Variants in KMT5B observed in about 807,000 individuals in gnomAD.
The protein encoded by KMT5B is lysine methyltransferase 5B, also known as histone-lysine N-methyltransferase KMT5B.
KMT5B carries 10 observed loss-of-function variants against 83.2 expected under a neutral mutation model. That is an observed-to-expected ratio of 0.12 (90% CI 0.07 to 0.20). The LOEUF (loss-of-function observed/expected upper bound fraction) is 0.20, where lower values mean the gene tolerates loss of function less well. KMT5B is among the 10% of genes least tolerant of loss of function. The pLI is 1.00. For missense variants in KMT5B, 753 were observed against 1,067.2 expected (o/e 0.71, Z 4.10); for synonymous variants, 349 against 388.8 (o/e 0.90, Z 1.20).
chr11:68,160,048 A>T (rs1854717614), intron 10 of KMT5B, among the ~76,000 whole-genome samples: 2 of 152,260 alleles, frequency 1.3e-5, no homozygotes. Context: ...TTTGAGAATG[A>T]GCGTATTCTT....
chr11:68,164,858 T>C (rs1043481706), intron 10 of KMT5B, among the ~76,000 whole-genome samples: 1 of 152,260 alleles, frequency 6.6e-6, no homozygotes, highest in Non-Finnish European at 1.5e-5. Flanking sequence ...ATCCTGGAGC[T>C]AAGTAAGGCA....
intron 1 of KMT5B, among the ~76,000 whole-genome samples, chr11:68,198,937 G>T (rs1411614466): frequency 6.6e-6 from 1 of 152,214 alleles, no homozygotes; most frequent in East Asian, 1.9e-4. Context: ...CACCGTGTTA[G>T]CCAGGCTGGT....
In KMT5B at chr11:68,202,791, C is replaced by T. The variant is rs146742653; in HGVS notation, c.-77+10347G>A. On this transcript the variant is annotated intron_variant, in intron 1 of 10. Transcript: ENST00000304363. ...CTTGAACTCTTGACCTCGTGATTTGCCCACCTCGGCCTCCCAAAGTACTGG... is the reference window on the plus strand; with the variant it reads ...CTTGAACTCTTGACCTCGTGATTTGTCCACCTCGGCCTCCCAAAGTACTGG... Among the ~76,000 whole-genome samples the T allele has an allele frequency of 3.3e-3, 505 of 152,150 alleles. 3 individuals carry two copies. Among genetic ancestry groups the T allele is most frequent in the East Asian group, 0.024 (122 of 5,164 alleles).
At chr11:68,199,933 G>A (rs904183973) in intron 1 of KMT5B, among the ~76,000 whole-genome samples, 3 of 152,220 alleles carry the variant, frequency 2.0e-5, no homozygotes, top group Non-Finnish European at 4.4e-5. Flanking sequence ...ATGTGACAAA[G>A]ACTATAGGAA....
chr11:68,213,537 C>G (rs1158450088), upstream of KMT5B: 1 of 151,832 alleles, frequency 6.6e-6, no homozygotes, highest in East Asian at 1.9e-4. Flanking sequence ...CTCCGCGTCC[C>G]AGGTCCGTGC....
chr11:68,160,687 A>G (rs1854780158), intron 10 of KMT5B, among the ~76,000 whole-genome samples: 1 of 152,196 alleles, frequency 6.6e-6, no homozygotes, highest in Non-Finnish European at 1.5e-5. Flanking sequence ...GCATCACAAC[A>G]TTCCAAAAAT....
intron 2 of KMT5B, among the ~76,000 whole-genome samples, chr11:68,186,746 G>C (rs1323154834): frequency 6.6e-6 from 1 of 152,196 alleles, no homozygotes; most frequent in Non-Finnish European, 1.5e-5. Flanking sequence ...ATCATTTATG[G>C]AGGACAACAG....
intron 1 of KMT5B, among the ~76,000 whole-genome samples, chr11:68,195,526 G>A (rs1030569863): frequency 2.0e-5 from 3 of 152,208 alleles, no homozygotes; most frequent in African/African-American, 7.2e-5. Context: ...GAAGGTAGGT[G>A]ATTTAAGCAC....
At chr11:68,212,690 G>A (rs963274700) in intron 1 of KMT5B, 30 of 152,204 alleles carry the variant, frequency 2.0e-4, no homozygotes, top group African/African-American at 6.3e-4. Flanking sequence ...TCGGGGAGGA[G>A]GGTGGGCTGC....
At position 68,213,264 on chromosome 11, in the gene KMT5B, T is replaced by C. The variant is rs1261301921; in HGVS notation, c.-203A>G. The C allele has an allele frequency of 1.4e-5, 2 of 145,462 alleles. No homozygotes were observed. The highest frequency in any genetic ancestry group is 6.8e-5 in the Admixed American group (1 of 14,696). 9.0% of individuals were successfully genotyped at this position (145,462 alleles called of 1,614,324 possible). A position where few individuals can be genotyped will look rare whatever the true frequency, so the allele number is the denominator to read the frequency against. On this transcript the variant is annotated 5_prime_UTR_variant, in exon 1 of 11. Coordinates refer to ENST00000304363, the MANE Select transcript of KMT5B (RefSeq NM_017635.5). ...CCAGAAAATTAATCACCAAAAATAA[T>C]TCCAGAGAAAAATGGAGAGTAAAAT...
At position 68,211,235 on chromosome 11, in the gene KMT5B, C is replaced by T. The variant is rs149597951; in HGVS notation, c.-77+1903G>A. ...CACACGCGTCTCTCCCTGTCAGAGTCCGCTACCCTCCATCCACCTCCACCT... is the reference window on the plus strand; with the variant it reads ...CACACGCGTCTCTCCCTGTCAGAGTTCGCTACCCTCCATCCACCTCCACCT... On this transcript the variant is annotated intron_variant, in intron 1 of 10. Transcript: ENST00000304363. Among the ~76,000 whole-genome samples the T allele has an allele frequency of 3.8e-4, 58 of 152,300 alleles. 2 individuals carry two copies. The highest frequency in any genetic ancestry group is 1.3e-3 in the African/African-American group (54 of 41,544).
At chr11:68,194,244 G>GCA (rs1490682576) in intron 1 of KMT5B, among the ~76,000 whole-genome samples, 1 of 147,766 alleles carries the variant, frequency 6.8e-6, no homozygotes, top group African/African-American at 2.5e-5. Context: ...AGGCTGGAGT[G>GCA]CAGTGTCCAC....
At chr11:68,193,376 C>T (rs1316062744) in intron 1 of KMT5B, among the ~76,000 whole-genome samples, 1 of 152,118 alleles carries the variant, frequency 6.6e-6, no homozygotes, top group Non-Finnish European at 1.5e-5. Context: ...CTGGACATAC[C>T]TTTAATGATA....
At chr11:68,188,969 T>G (rs539731687) in intron 2 of KMT5B, among the ~76,000 whole-genome samples, 1 of 152,340 alleles carries the variant, frequency 6.6e-6, no homozygotes, top group South Asian at 2.1e-4. Flanking sequence ...GAATTCTGTC[T>G]GGTTTTCTAT....
Position 68,156,767 on chromosome 11 carries a change from T to C in KMT5B, c.*921A>G, listed in dbSNP as rs1859323629. ...ACTCATGTTTTTATTTCATAAACTA[T>C]TATAAGTTAAAGTGAATAGATTTTT... On this transcript the variant is annotated 3_prime_UTR_variant, in exon 11 of 11. Coordinates refer to ENST00000304363, the MANE Select transcript of KMT5B (RefSeq NM_017635.5). The C allele has an allele frequency of 6.6e-6, 1 of 152,642 alleles. No homozygotes were observed. Among genetic ancestry groups the C allele is most frequent in the Non-Finnish European group, 1.5e-5 (1 of 68,038 alleles). 9.5% of individuals were successfully genotyped at this position (152,642 alleles called of 1,614,324 possible). A position where few individuals can be genotyped will look rare whatever the true frequency, so the allele number is the denominator to read the frequency against.
In KMT5B at chr11:68,171,525, C is replaced by T. The variant is rs1391221634; in HGVS notation, c.820+18G>A. On this transcript the variant is annotated intron_variant, in intron 7 of 10. Coordinates refer to ENST00000304363, the MANE Select transcript of KMT5B (RefSeq NM_017635.5). The surrounding 1 kb of genome is among the most constrained non-coding windows in gnomAD (Gnocchi z 5.1). The stretch of plus-strand genomic sequence containing the variant: ...GAATGGCCAACACTAGCGCCAACAC[C>T]TTGGAAACACAGCTTACCATGGTTT... The T allele has an allele frequency of 8.1e-6, 13 of 1,610,642 alleles. No individual in the cohort carries two copies. The highest frequency in any genetic ancestry group is 1.0e-5 in the Non-Finnish European group (12 of 1,178,332).
chr11:68,164,577 T>C, intron 10 of KMT5B: 1 of 471,446 alleles, frequency 2.1e-6, no homozygotes, highest in Non-Finnish European at 4.3e-6. Context: ...CAGAGACAAC[T>C]AAAGCCTTGA....
chr11:68,161,110 G>A (rs1207173958), intron 10 of KMT5B, among the ~76,000 whole-genome samples: 1 of 152,188 alleles, frequency 6.6e-6, no homozygotes, highest in East Asian at 1.9e-4. Flanking sequence ...TTTTAGAATA[G>A]TAGGAGTAGT....
chr11:68,189,197 G>T (rs2153071400), intron 2 of KMT5B, among the ~76,000 whole-genome samples: 1 of 152,306 alleles, frequency 6.6e-6, no homozygotes, highest in Admixed American at 6.5e-5. Context: ...AAGAAGAAAA[G>T]CTGTCCTCTT....
Sources: gnomAD v4.1 joint callset for allele counts (sites outside exome capture counted in the v4.1 genomes callset) on GRCh38, gnomAD v4.1.1 for gene constraint, Gnocchi (gnomAD v3.1) non-coding constraint, MANE v1.5 for transcripts, NCBI Gene and HGNC (gene_info 2026-07-23, HGNC 2026-07-21) for gene names.